BMPR2: variants seen among roughly 807,000 people sequenced by gnomAD.
The protein encoded by BMPR2 is bone morphogenetic protein receptor type-2.
In BMPR2, 29 loss-of-function variants were observed where a neutral mutation model predicts 100.8. The observed-to-expected ratio is 0.29, with a 90% CI of 0.21 to 0.39. BMPR2 has a LOEUF of 0.39. Ranked by LOEUF, BMPR2 falls within the 10% of genes least tolerant of loss-of-function variation. BMPR2 has a pLI of 1.00. For missense variants in BMPR2, 1,011 were observed against 1,274.5 expected (o/e 0.79, Z 3.15); for synonymous variants, 382 against 442.3 (o/e 0.86, Z 1.71).
intron 1 of BMPR2, among the ~76,000 whole-genome samples, chr2:202,456,814 C>T (rs1443001312): frequency 2.0e-5 from 3 of 152,190 alleles, no homozygotes; most frequent in Non-Finnish European, 2.9e-5. Context: ...TGTGTCCAGA[C>T]TGTATAGCAC....
chr2:202,434,882 A>G (rs1691575857), intron 1 of BMPR2, among the ~76,000 whole-genome samples: 1 of 46,364 alleles, frequency 2.2e-5, no homozygotes, highest in South Asian at 1.4e-3. Flanking sequence ...TCTGTCTCAA[A>G]AAAAAAAAAA....
chr2:202,521,417 A>G (rs1687817562), intron 7 of BMPR2, among the ~76,000 whole-genome samples: 2 of 152,054 alleles, frequency 1.3e-5, no homozygotes, highest in Non-Finnish European at 2.9e-5. Flanking sequence ...AAATATAAAC[A>G]TTAGCTGGAC....
At chr2:202,432,398 T>G (rs1691523997) in intron 1 of BMPR2, among the ~76,000 whole-genome samples, 1 of 150,618 alleles carries the variant, frequency 6.6e-6, no homozygotes, top group African/African-American at 2.5e-5. Flanking sequence ...GAGGTGATTT[T>G]GCACTCAAGG....
chr2:202,448,744 C>T (rs1048775535), intron 1 of BMPR2, among the ~76,000 whole-genome samples: 1 of 151,960 alleles, frequency 6.6e-6, no homozygotes, highest in East Asian at 2.0e-4. Flanking sequence ...GCATGAGCCA[C>T]CGCGCCCGGC....
At chr2:202,545,014 A>C (rs1161238370) in intron 10 of BMPR2, among the ~76,000 whole-genome samples, 10 of 151,502 alleles carry the variant, frequency 6.6e-5, no homozygotes, top group Non-Finnish European at 1.2e-4. Flanking sequence ...CTCCTACCTC[A>C]GCTTCTCAAA....
At chr2:202,464,193 T>A (rs965146151) in intron 1 of BMPR2, among the ~76,000 whole-genome samples, 9 of 151,640 alleles carry the variant, frequency 5.9e-5, no homozygotes, top group East Asian at 5.8e-4. Flanking sequence ...AATTTTTTTT[T>A]ATTGAAGTAT....
intron 1 of BMPR2, among the ~76,000 whole-genome samples, chr2:202,403,314 C>G (rs1690809417): frequency 6.6e-6 from 1 of 151,810 alleles, no homozygotes; most frequent in African/African-American, 2.4e-5. Context: ...ATTCTCCTGC[C>G]TCAGCCTCCC....
At chr2:202,377,626 C>T (rs1574415942) in intron 1 of BMPR2, 76 bp downstream of exon 1, 4 of 1,528,994 alleles carry the variant, frequency 2.6e-6, no homozygotes, top group East Asian at 2.3e-5. Flanking sequence ...GAGGCCGAGG[C>T]CTGTGCTTGC....
At chr2:202,468,530 C>G (rs1026295572) in intron 3 of BMPR2, among the ~76,000 whole-genome samples, 1 of 152,204 alleles carries the variant, frequency 6.6e-6, no homozygotes, top group African/African-American at 2.4e-5. Context: ...GTTAAGACAA[C>G]TACATGTGTG....
chr2:202,490,888 G>A (rs1055626090), intron 3 of BMPR2, among the ~76,000 whole-genome samples: 7 of 152,128 alleles, frequency 4.6e-5, no homozygotes, highest in Non-Finnish European at 1.0e-4. Flanking sequence ...AGTATGGTTT[G>A]TAGGATCTGA....
chr2:202,500,978 C>G (rs939877788), intron 3 of BMPR2, among the ~76,000 whole-genome samples: 7 of 152,190 alleles, frequency 4.6e-5, no homozygotes, highest in African/African-American at 1.7e-4. Flanking sequence ...TGGTCAGGCA[C>G]TGGCCCAAGA....
At position 202,495,484 on chromosome 2, in the gene BMPR2, T is replaced by C. The variant is rs1190316291; in HGVS notation, c.419-18235T>C. 6.6e-6 allele frequency among the ~76,000 whole-genome samples: 1 copy of C among 152,180 alleles called. No individual in the cohort carries two copies. Among genetic ancestry groups the C allele is most frequent in the Non-Finnish European group, 1.5e-5 (1 of 68,026 alleles). On this transcript the variant is annotated intron_variant, in intron 3 of 12. Coordinates refer to ENST00000374580, the MANE Select transcript of BMPR2 (RefSeq NM_001204.7). This position sits in a 1 kb window ranked among gnomAD's most constrained non-coding sequence, Gnocchi z 4.5. ...CCACTTTCTTCCGCCGATGTGCTCC[T>C]CTTTACGTCTGGCCGCCTGTGTGTC...
At chr2:202,396,635 A>G (rs1304339377) in intron 1 of BMPR2, among the ~76,000 whole-genome samples, 1 of 152,198 alleles carries the variant, frequency 6.6e-6, no homozygotes, top group Non-Finnish European at 1.5e-5. Flanking sequence ...AACATCATAA[A>G]GAGATATATG....
rs369464152 is a variant in BMPR2 at position 202,499,017 on chromosome 2, C to A, written c.419-14702C>A. 1.8e-4 allele frequency among the ~76,000 whole-genome samples: 27 copies of A among 152,298 alleles called. No individual in the cohort carries two copies. The East Asian group carries it at 3.9e-3, about 22-fold the overall frequency. On this transcript the variant is annotated intron_variant, in intron 3 of 12. Transcript: ENST00000374580. The stretch of plus-strand genomic sequence containing the variant: ...ATTAATGATAATCCTCCTCTAATCT[C>A]CCCTGCCCAGAAGGAAATAAGCAAA...
intron 1 of BMPR2, among the ~76,000 whole-genome samples, chr2:202,431,973 C>A (rs1691513884): frequency 6.7e-6 from 1 of 150,282 alleles, no homozygotes; most frequent in African/African-American, 2.5e-5. Flanking sequence ...TTACGTTTTT[C>A]CAGAAATATT....
At chr2:202,509,834 T>TA (rs1211803221) in intron 3 of BMPR2, among the ~76,000 whole-genome samples, 4 of 152,100 alleles carry the variant, frequency 2.6e-5, no homozygotes, top group Non-Finnish European at 4.4e-5. Context: ...GAATTCAAAA[T>TA]ACATTTTTCA....
In BMPR2 at chr2:202,441,348, C is replaced by G. The variant is rs1013518925; in HGVS notation, c.77-23461C>G. ...GAAAGCAGGGATCAACGTAAGAGTG[C>G]AATAAATATCTTTTTTGAAATTCTA... On this transcript the variant is annotated intron_variant, in intron 1 of 12. Coordinates refer to ENST00000374580, the MANE Select transcript of BMPR2 (RefSeq NM_001204.7). Among the ~76,000 whole-genome samples the G allele has an allele frequency of 2.0e-5, 3 of 150,220 alleles. 1 individual carries two copies. Among genetic ancestry groups the G allele is most frequent in the African/African-American group, 7.6e-5 (3 of 39,682 alleles).
intron 7 of BMPR2, among the ~76,000 whole-genome samples, chr2:202,525,473 A>C (rs999576832): frequency 6.6e-6 from 1 of 152,136 alleles, no homozygotes; most frequent in Non-Finnish European, 1.5e-5. Context: ...CTGGGATTAC[A>C]GGCATGAGCC....
chr2:202,525,263 G>A (rs1428941127), intron 7 of BMPR2, among the ~76,000 whole-genome samples: 1 of 152,014 alleles, frequency 6.6e-6, no homozygotes, highest in Non-Finnish European at 1.5e-5. Flanking sequence ...CCAGGCTGGA[G>A]TGCAATGGCG....
Sources: gnomAD v4.1 joint callset for allele counts (sites outside exome capture counted in the v4.1 genomes callset) on GRCh38, gnomAD v4.1.1 for gene constraint, Gnocchi (gnomAD v3.1) non-coding constraint, MANE v1.5 for transcripts, NCBI Gene and HGNC (gene_info 2026-07-23, HGNC 2026-07-21) for gene names.